TEX264: variants seen among roughly 807,000 people sequenced by gnomAD.
The protein encoded by TEX264 is testis-expressed protein 264.
Under a neutral mutation model 23.4 loss-of-function variants are expected in TEX264, and 13 were observed. The ratio of observed to expected loss-of-function variants is 0.56; its 90% CI spans 0.36 to 0.88. The LOEUF is 0.88. Ranked by LOEUF, TEX264 falls within the 40% of genes least tolerant of loss-of-function variation. TEX264 has a pLI of 0.01. For synonymous variants in TEX264, 159 were observed against 170.0 expected (o/e 0.94, Z 0.50); for missense variants, 340 against 406.8 (o/e 0.84, Z 1.41).
At chr3:51,701,401 T>G (rs1268334968) in intron 4 of TEX264, among the ~76,000 whole-genome samples, 3 of 151,066 alleles carry the variant, frequency 2.0e-5, no homozygotes, top group Admixed American at 2.0e-4. Flanking sequence ...CTCGGCTCAC[T>G]GTAACCTTTC....
intron 3 of TEX264, among the ~76,000 whole-genome samples, chr3:51,694,762 G>T (rs1702993109): frequency 6.6e-6 from 1 of 152,112 alleles, no homozygotes; most frequent in Non-Finnish European, 1.5e-5. Flanking sequence ...AGAGCTTTGG[G>T]CTCTGCTGGT....
Position 51,703,904 on chromosome 3 carries a change from A to T in TEX264, c.830A>T (p.Asp277Val), listed in dbSNP as rs767585708. Reference sequence around the variant, plus strand: ...AGCGGCTCCTCTTTTGAGGAGCTGGACTTGGAGGGCGAGGGGCCCTTAGGG... The same window carrying T: ...AGCGGCTCCTCTTTTGAGGAGCTGGTCTTGGAGGGCGAGGGGCCCTTAGGG... Reference protein sequence around the residue: ...GASGSSFEELDLEGEGPLGES... With the variant: ...GASGSSFEELVLEGEGPLGES... Residue 277 changes from aspartate (D) to valine (V), a missense_variant, in exon 5 of 5, where the codon GAC becomes GTC. Asp to Val is a radical substitution (Grantham distance 152, BLOSUM62 -3). Transcript: ENST00000341333. This position sits in a 1 kb window ranked among gnomAD's most constrained non-coding sequence, Gnocchi z 4.8. The T allele has an allele frequency of 6.8e-6, 11 of 1,610,822 alleles. No individual in the cohort carries two copies. The East Asian group carries it at 2.5e-4, about 36-fold the overall frequency.
intron 2 of TEX264, chr3:51,683,095 G>T: frequency 6.5e-6 from 1 of 153,134 alleles, no homozygotes. Context: ...TGGAGGTAGA[G>T]GGAGAAGCCT....
Position 51,703,052 on chromosome 3 carries a change from A to G in TEX264, c.650-672A>G, listed in dbSNP as rs1254371769. 6.6e-6 allele frequency among the ~76,000 whole-genome samples: 1 copy of G among 152,152 alleles called. No individual in the cohort carries two copies. Among genetic ancestry groups the G allele is most frequent in the Non-Finnish European group, 1.5e-5 (1 of 68,012 alleles). On this transcript the variant is annotated intron_variant, in intron 4 of 4. Transcript: ENST00000341333. The surrounding 1 kb of genome is among the most constrained non-coding windows in gnomAD (Gnocchi z 4.8). Reference sequence around the variant, plus strand: ...CCAGGCATAGGGAGAGAAAACCCTTAACATGTTTCATCCCAGCACCCTCCT... The same window carrying G: ...CCAGGCATAGGGAGAGAAAACCCTTGACATGTTTCATCCCAGCACCCTCCT...
At chr3:51,677,247 G>T (rs1702261614) in intron 2 of TEX264, among the ~76,000 whole-genome samples, 1 of 152,320 alleles carries the variant, frequency 6.6e-6, no homozygotes, top group East Asian at 1.9e-4. Flanking sequence ...ACCAGGCTCT[G>T]TGTTGGGCAC....
chr3:51,676,769 T>G (rs1164250179), intron 2 of TEX264, among the ~76,000 whole-genome samples: 1 of 152,116 alleles, frequency 6.6e-6, no homozygotes, highest in Non-Finnish European at 1.5e-5. Flanking sequence ...CAAAGATGGG[T>G]GGGAAAACCA....
chr3:51,703,713 C>T lies in TEX264; in HGVS notation c.650-11C>T. On this transcript the variant is annotated splice_polypyrimidine_tract_variant and intron_variant, in intron 4 of 4. Transcript: ENST00000341333. This position sits in a 1 kb window ranked among gnomAD's most constrained non-coding sequence, Gnocchi z 4.8. Reference sequence around the variant, plus strand: ...TCCTAGCTAACCTGTGCTCCCTTTTCCTGGTCATAGGAGCTGACACAATGA... The same window carrying T: ...TCCTAGCTAACCTGTGCTCCCTTTTTCTGGTCATAGGAGCTGACACAATGA... 3 of 1,570,136 alleles carry T rather than the reference C, an allele frequency of 1.9e-6. No individual in the cohort carries two copies. The Admixed American group carries it at 5.2e-5, about 27-fold the overall frequency.
chr3:51,701,017 T>C (rs1703279812), intron 4 of TEX264, among the ~76,000 whole-genome samples: 1 of 152,218 alleles, frequency 6.6e-6, no homozygotes, highest in South Asian at 2.1e-4. Flanking sequence ...GGCCCTAGCT[T>C]AGGCCGGGAG....
intron 2 of TEX264, 131 bp from the exon 3 acceptor site, chr3:51,684,282 G>T: frequency 1.3e-6 from 1 of 764,524 alleles, no homozygotes; most frequent in East Asian, 2.7e-5. Flanking sequence ...CTGTGTCCTG[G>T]TATCTGGGGC....
At position 51,699,643 on chromosome 3, in the gene TEX264, T is replaced by C. The variant is rs1420507310; in HGVS notation, c.649+69T>C. The stretch of plus-strand genomic sequence containing the variant: ...TCTCTTCTGGACTCCAGGGGCTTGG[T>C]TGAGGAGGCTCCTCCCTCTCTGGGT... On this transcript the variant is annotated intron_variant, in intron 4 of 4. Transcript: ENST00000341333. 31 of 1,562,262 alleles carry C rather than the reference T, an allele frequency of 2.0e-5. No individual in the cohort carries two copies. In the Admixed American group the frequency reaches 3.1e-4, roughly 16 times the overall value.
intron 3 of TEX264, among the ~76,000 whole-genome samples, chr3:51,687,367 T>C (rs959568171): frequency 5.3e-5 from 8 of 152,136 alleles, no homozygotes; most frequent in African/African-American, 1.9e-4. Context: ...CAGCCTGCAG[T>C]GGACAGGGGT....
chr3:51,682,812 A>T (rs1702481249), intron 2 of TEX264: 1 of 152,296 alleles, frequency 6.6e-6, no homozygotes, highest in Non-Finnish European at 1.5e-5. Context: ...GTAGGCTTCA[A>T]GGGGGCTGCA....
intron 3 of TEX264, among the ~76,000 whole-genome samples, chr3:51,689,042 C>T (rs1440961408): frequency 6.6e-6 from 1 of 151,860 alleles, no homozygotes; most frequent in African/African-American, 2.4e-5. Context: ...TCGCTTGAGC[C>T]TGGGAGGTCA....
chr3:51,701,215 CCTTGCCTGG>C (rs1404261580), intron 4 of TEX264, among the ~76,000 whole-genome samples: 1 of 152,016 alleles, frequency 6.6e-6, no homozygotes, highest in Non-Finnish European at 1.5e-5. Flanking sequence ...TAGGGCCCTG[CCTTGCCTGG>C]TATCTTCTGC....
intron 4 of TEX264, among the ~76,000 whole-genome samples, chr3:51,700,580 A>G (rs1414157666): frequency 1.3e-5 from 2 of 152,032 alleles, no homozygotes; most frequent in Non-Finnish European, 2.9e-5. Flanking sequence ...GGCACAGGAC[A>G]TGGCACAAGG....
Position 51,703,164 on chromosome 3 carries a change from G to C in TEX264, c.650-560G>C, listed in dbSNP as rs1427244572. ...CTCAACTGGGACTTGGTGTGTACCA[G>C]AGGCAGGGGCCTGCTGACTCCCTGG... On this transcript the variant is annotated intron_variant, in intron 4 of 4. Transcript: ENST00000341333. The surrounding 1 kb of genome is among the most constrained non-coding windows in gnomAD (Gnocchi z 4.8). Among the ~76,000 whole-genome samples the C allele has an allele frequency of 6.6e-6, 1 of 152,214 alleles. No homozygotes were observed. The highest frequency in any genetic ancestry group is 1.5e-5 in the Non-Finnish European group (1 of 68,026).
chr3:51,698,843 C>T (rs1238080523), intron 3 of TEX264, among the ~76,000 whole-genome samples: 1 of 152,194 alleles, frequency 6.6e-6, no homozygotes, highest in Non-Finnish European at 1.5e-5. Context: ...TGGTGTTTAG[C>T]TGGCCTTGAT....
intron 4 of TEX264, among the ~76,000 whole-genome samples, 188 bp downstream of exon 4, chr3:51,699,762 A>G (rs555749014): frequency 6.6e-6 from 1 of 152,238 alleles, no homozygotes; most frequent in East Asian, 1.9e-4. Flanking sequence ...TCCCAGACAC[A>G]TGGATCTACA....
rs4067 is a variant in TEX264, at chr3:51,704,240, A to G, written c.*224A>G. ...TTCTGCACCAGCCCCCAGGGCTGCC[A>G]CCCCTGTTGTGTCTTTTTTTCAGAC... On this transcript the variant is annotated 3_prime_UTR_variant, in exon 5 of 5. Transcript: ENST00000341333. 342,243 of 392,562 alleles carry G rather than the reference A, an allele frequency of 0.87. 149,524 individuals are homozygous for G. Among genetic ancestry groups the G allele is most frequent in the East Asian group, 0.94 (25,506 of 27,006 alleles). The allele number at this position is 392,562 out of a possible 1,614,324, so 24.3% of individuals were successfully genotyped here.
Sources: gnomAD v4.1 joint callset for allele counts (sites outside exome capture counted in the v4.1 genomes callset) on GRCh38, gnomAD v4.1.1 for gene constraint, Gnocchi (gnomAD v3.1) non-coding constraint, MANE v1.5 for transcripts, NCBI Gene and HGNC (gene_info 2026-07-23, HGNC 2026-07-21) for gene names.